TRERF1: variants seen among roughly 807,000 people sequenced by gnomAD.
TRERF1 encodes transcriptional-regulating factor 1.
Under a neutral mutation model 122.9 loss-of-function variants are expected in TRERF1, and 27 were observed. The ratio of observed to expected loss-of-function variants is 0.22; its 90% confidence interval spans 0.16 to 0.30. The LOEUF (loss-of-function observed/expected upper bound fraction) is 0.30, where lower values mean the gene tolerates loss of function less well. TRERF1 is among the 10% of genes least tolerant of loss of function. TRERF1 has a pLI of 1.00. For synonymous variants in TRERF1, 636 were observed against 641.7 expected (o/e 0.99, Z 0.13); for missense variants, 1,248 against 1,560.3 (o/e 0.80, Z 3.37).
At chr6:42,292,005 A>G (rs1784398090) in intron 4 of TRERF1, among the ~76,000 whole-genome samples, 1 of 152,186 alleles carries the variant, frequency 6.6e-6, no homozygotes, top group African/African-American at 2.4e-5. Context: ...GAGTCCCTCC[A>G]GCAGGCCTAT....
At chr6:42,285,108 C>T (rs140375275) in intron 4 of TRERF1, among the ~76,000 whole-genome samples, 1 of 152,228 alleles carries the variant, frequency 6.6e-6, no homozygotes, top group East Asian at 1.9e-4. Flanking sequence ...TTCTTCCTAC[C>T]CATGAGCATG....
At chr6:42,330,171 CA>C (rs1029195781) in intron 3 of TRERF1, among the ~76,000 whole-genome samples, 1 of 152,060 alleles carries the variant, frequency 6.6e-6, no homozygotes, top group African/African-American at 2.4e-5. Flanking sequence ...AGGCAAGCCA[CA>C]AGAGAAGAAA....
chr6:42,273,849 C>T (rs1447928955), intron 4 of TRERF1, among the ~76,000 whole-genome samples: 4 of 152,182 alleles, frequency 2.6e-5, no homozygotes, highest in Non-Finnish European at 5.9e-5. Flanking sequence ...TGAAACTCAC[C>T]CGACTTTGAG....
intron 2 of TRERF1, among the ~76,000 whole-genome samples, chr6:42,388,240 T>A (rs764574505): frequency 6.7e-6 from 1 of 150,008 alleles, no homozygotes; most frequent in Non-Finnish European, 1.5e-5. Flanking sequence ...TTTTTTTTTT[T>A]AGGCAACTTT....
At chr6:42,321,373 A>G (rs1763422502) in intron 3 of TRERF1, among the ~76,000 whole-genome samples, 1 of 152,142 alleles carries the variant, frequency 6.6e-6, no homozygotes, top group African/African-American at 2.4e-5. Context: ...AGAAAGGGAT[A>G]TATAAAATAC....
chr6:42,332,875 G>A (rs757562612), intron 3 of TRERF1, among the ~76,000 whole-genome samples: 20 of 152,146 alleles, frequency 1.3e-4, no homozygotes, highest in Non-Finnish European at 2.9e-4. Context: ...GTCTTCTACA[G>A]AACAAAAATG....
At chr6:42,411,084 G>A (rs763348478) in intron 2 of TRERF1, among the ~76,000 whole-genome samples, 5 of 152,156 alleles carry the variant, frequency 3.3e-5, no homozygotes, top group Non-Finnish European at 7.4e-5. Context: ...CTCTATGATG[G>A]GGGAAGTCAG....
Position 42,259,547 on chromosome 6 carries a change from C to T in TRERF1, c.2061G>A (p.Leu687=), listed in dbSNP as rs1451741912. 1 of 1,613,608 alleles carries T rather than the reference C, an allele frequency of 6.2e-7. No individual in the cohort carries two copies. Among genetic ancestry groups the T allele is most frequent in the Non-Finnish European group, 8.5e-7 (1 of 1,179,822 alleles). The stretch of plus-strand genomic sequence containing the variant: ...GGTCCCCGAGGACGCGCGGGGAGCG[C>T]AGCTGGCTCTGGTACAGGGTGGCGC... Residue 687 remains leucine, a synonymous_variant, in exon 9 of 18, where the codon CTG becomes CTA. Transcript: ENST00000372922. This position sits in a 1 kb window ranked among gnomAD's most constrained non-coding sequence, Gnocchi z 4.9.
At chr6:42,410,096 T>G (rs899206099) in intron 2 of TRERF1, among the ~76,000 whole-genome samples, 14 of 152,158 alleles carry the variant, frequency 9.2e-5, no homozygotes, top group Non-Finnish European at 8.8e-5. Context: ...GGCCTCTCTG[T>G]GTTGAATCAG....
intron 3 of TRERF1, among the ~76,000 whole-genome samples, chr6:42,313,975 G>A (rs758745198): frequency 3.9e-5 from 6 of 152,052 alleles, no homozygotes; most frequent in East Asian, 1.9e-4. Flanking sequence ...GAATGAGACC[G>A]GAAGCCGGGA....
At chr6:42,236,765 G>T (rs987847327) in intron 15 of TRERF1, among the ~76,000 whole-genome samples, 8 of 152,234 alleles carry the variant, frequency 5.3e-5, no homozygotes, top group African/African-American at 1.9e-4. Context: ...GCTGCGTCCT[G>T]CCTGTAAGTA....
chr6:42,451,621 A>G (rs1322791743), intron 1 of TRERF1, among the ~76,000 whole-genome samples, 53 bp downstream of exon 1: 1 of 105,290 alleles, frequency 9.5e-6, no homozygotes. Context: ...TTCTATATAC[A>G]TGCACCCCTC....
At chr6:42,371,060 C>T (rs752853207) in intron 2 of TRERF1, among the ~76,000 whole-genome samples, 5 of 152,168 alleles carry the variant, frequency 3.3e-5, no homozygotes, top group African/African-American at 7.2e-5. Flanking sequence ...GGAGTGCAAA[C>T]GGTGGGATTC....
At chr6:42,441,879 A>G (rs1786584995) in intron 2 of TRERF1, among the ~76,000 whole-genome samples, 1 of 152,282 alleles carries the variant, frequency 6.6e-6, no homozygotes, top group East Asian at 1.9e-4. Context: ...GCAGGAGCCC[A>G]GGAACAGCCC....
At chr6:42,360,059 G>T (rs756215654) in intron 3 of TRERF1, among the ~76,000 whole-genome samples, 1 of 152,064 alleles carries the variant, frequency 6.6e-6, no homozygotes, top group Non-Finnish European at 1.5e-5. Flanking sequence ...TATTTGTTAC[G>T]AAGAGAATTA....
chr6:42,248,422 G>A (rs753327943), intron 13 of TRERF1, among the ~76,000 whole-genome samples: 3 of 151,718 alleles, frequency 2.0e-5, no homozygotes, highest in East Asian at 1.9e-4. Context: ...GCGAGATCTC[G>A]GCTCACTGCA....
At chr6:42,395,666 C>T (rs1778459265) in intron 2 of TRERF1, among the ~76,000 whole-genome samples, 1 of 152,060 alleles carries the variant, frequency 6.6e-6, no homozygotes, top group Non-Finnish European at 1.5e-5. Flanking sequence ...GAGGGGCCTA[C>T]AAGCTAGCTG....
chr6:42,319,535 G>T (rs1401743764), intron 3 of TRERF1, among the ~76,000 whole-genome samples: 2 of 152,198 alleles, frequency 1.3e-5, no homozygotes, highest in African/African-American at 4.8e-5. Flanking sequence ...GTTAAAAAAA[G>T]TATGAGCCTG....
intron 2 of TRERF1, among the ~76,000 whole-genome samples, chr6:42,427,380 C>T (rs1433274270): frequency 1.3e-5 from 2 of 152,052 alleles, no homozygotes; most frequent in Non-Finnish European, 1.5e-5. Context: ...ACTTCAGCCT[C>T]CCAAGTAGCT....
Sources: gnomAD v4.1 joint callset for allele counts (sites outside exome capture counted in the v4.1 genomes callset) on GRCh38, gnomAD v4.1.1 for gene constraint, Gnocchi (gnomAD v3.1) non-coding constraint, MANE v1.5 for transcripts, NCBI Gene and HGNC (gene_info 2026-07-23, HGNC 2026-07-21) for gene names.